COL14A1: variants seen among roughly 807,000 people sequenced by gnomAD.
COL14A1 encodes collagen alpha-1(XIV) chain.
A neutral mutation model predicts 230.3 loss-of-function variants in COL14A1; 136 were observed. That is an observed-to-expected ratio of 0.59 (90% CI 0.51 to 0.68). COL14A1 has a LOEUF of 0.68. Ranked by LOEUF, COL14A1 falls within the 30% of genes least tolerant of loss-of-function variation. COL14A1 has a pLI of 0.00. For synonymous variants in COL14A1, 792 were observed against 784.1 expected (o/e 1.01, Z -0.17); for missense variants, 1,976 against 2,215.8 (o/e 0.89, Z 2.17).
chr8:120,221,962 G>T (rs140577173), intron 14 of COL14A1, among the ~76,000 whole-genome samples: 1 of 150,914 alleles, frequency 6.6e-6, no homozygotes, highest in East Asian at 2.0e-4. Context: ...CTAGAGGTTA[G>T]GAAAATATGT....
At chr8:120,142,032 CAG>C (rs1814932349) in intron 1 of COL14A1, among the ~76,000 whole-genome samples, 1 of 152,108 alleles carries the variant, frequency 6.6e-6, no homozygotes, top group Non-Finnish European at 1.5e-5. Flanking sequence ...CACACTTGGC[CAG>C]GGATGTCTAA....
intron 1 of COL14A1, among the ~76,000 whole-genome samples, chr8:120,129,012 G>C (rs745876535): frequency 2.6e-5 from 4 of 152,148 alleles, no homozygotes; most frequent in Non-Finnish European, 5.9e-5. Flanking sequence ...TTGCAAAGAG[G>C]AGAACATTTA....
At position 120,196,867 on chromosome 8, in the gene COL14A1, A is replaced by T. The variant is rs912674451; in HGVS notation, c.513A>T (p.Arg171Ser). 4.3e-6 allele frequency: 7 copies of T among 1,614,138 alleles called. No homozygotes were observed. Among genetic ancestry groups the T allele is most frequent in the Non-Finnish European group, 5.9e-6 (7 of 1,180,002 alleles). ...ILVDGSWSIG[R>S]FNFRLVRHFL... ...TCGATGGTTCATGGAGTATTGGAAG[A>T]TTCAACTTCAGACTGGTTCGGCATT... is the stretch of plus-strand genomic sequence containing the variant. The change falls in exon 6 of 48, where the codon AGA becomes AGT. Residue 171 changes from arginine (R) to serine (S), a missense_variant. This residue lies in a region of COL14A1 where 1,791 missense variants were observed against 2,019.5 expected (regional missense o/e 0.89). Coordinates refer to ENST00000297848, the MANE Select transcript of COL14A1 (RefSeq NM_021110.4).
rs964912321 is a variant in COL14A1 at position 120,372,935 on chromosome 8, T to C, written c.*1704T>C. 6.6e-6 allele frequency among the ~76,000 whole-genome samples: 1 copy of C among 152,146 alleles called. No homozygotes were observed. Among genetic ancestry groups the C allele is most frequent in the Non-Finnish European group, 1.5e-5 (1 of 68,024 alleles). On this transcript the variant is annotated 3_prime_UTR_variant, in exon 48 of 48. Transcript: ENST00000297848. ...GCCATTTCCTTTCAGTTATGGTATA[T>C]GATTCTGCCTGAGAAAGCAGGATTT...
chr8:120,148,077 A>T (rs1362949106), intron 2 of COL14A1, 147 bp downstream of exon 2: 6 of 549,480 alleles, frequency 1.1e-5, no homozygotes, highest in Non-Finnish European at 1.9e-5. Flanking sequence ...CACATCTTTG[A>T]TGAGGATTAC....
At position 120,257,947 on chromosome 8, in the gene COL14A1, G is replaced by A. The variant is rs546947033; in HGVS notation, c.2869+2591G>A. On this transcript the variant is annotated intron_variant, in intron 23 of 47. Coordinates refer to ENST00000297848, the MANE Select transcript of COL14A1 (RefSeq NM_021110.4). Reference sequence around the variant, plus strand: ...TGAAGTCTCTACTGTAACCACAACCGCTGGTCAACTTTCTTCTCTGGGCTT... The same window carrying A: ...TGAAGTCTCTACTGTAACCACAACCACTGGTCAACTTTCTTCTCTGGGCTT... Among the ~76,000 whole-genome samples the A allele has an allele frequency of 5.3e-5, 8 of 152,146 alleles. No individual in the cohort carries two copies. In the South Asian group the frequency reaches 6.2e-4, roughly 12 times the overall value.
intron 9 of COL14A1, among the ~76,000 whole-genome samples, chr8:120,204,291 A>G (rs908687944): frequency 5.9e-5 from 9 of 152,184 alleles, no homozygotes; most frequent in Admixed American, 5.9e-4. Flanking sequence ...TTCCACCACA[A>G]GGATCACTCC....
At chr8:120,243,796 C>T in intron 19 of COL14A1, 83 bp from the exon 20 acceptor site, 1 of 1,470,420 alleles carries the variant, frequency 6.8e-7, no homozygotes, top group Non-Finnish European at 9.3e-7. Context: ...TTGATTATTT[C>T]AAAATGCATA....
intron 5 of COL14A1, among the ~76,000 whole-genome samples, chr8:120,194,577 C>T (rs754555708): frequency 3.4e-4 from 51 of 152,100 alleles, no homozygotes; most frequent in Non-Finnish European, 5.6e-4. Context: ...ATTTGTATTT[C>T]CAAGTCATTT....
At chr8:120,250,596 T>C (rs1455121565) in intron 21 of COL14A1, 21 bp from the exon 22 acceptor site, 2 of 1,613,614 alleles carry the variant, frequency 1.2e-6, no homozygotes, top group Non-Finnish European at 1.7e-6. Context: ...GTAACTAAAA[T>C]ATATCCTCTT....
chr8:120,241,067 T>C (rs959626850), intron 19 of COL14A1, among the ~76,000 whole-genome samples: 2 of 152,204 alleles, frequency 1.3e-5, no homozygotes, highest in Non-Finnish European at 2.9e-5. Flanking sequence ...GAATTCTGGG[T>C]TGCAAGAATA....
In COL14A1 at chr8:120,280,727, C is replaced by G; in HGVS notation, c.3663C>G (p.His1221Gln). ...GTTTTCCAGCCTGTCCAGTGGTACACAAGGATGGCATTGATCTTGCAGGTA... is the reference window on the plus strand; with the variant it reads ...GTTTTCCAGCCTGTCCAGTGGTACAGAAGGATGGCATTGATCTTGCAGGTA... ...ETASATCPVV[H>Q]KDGIDLAGFK... is the part of the protein sequence containing the mutation. The change falls in exon 30 of 48, where the codon CAC becomes CAG. Residue 1221 changes from histidine (H) to glutamine (Q), a missense_variant. Transcript: ENST00000297848. 6.2e-7 allele frequency: 1 copy of G among 1,613,424 alleles called. No individual in the cohort carries two copies. The highest frequency in any genetic ancestry group is 1.3e-5 in the African/African-American group (1 of 75,006).
chr8:120,322,267 G>A (rs1821478472), intron 40 of COL14A1, among the ~76,000 whole-genome samples: 1 of 152,098 alleles, frequency 6.6e-6, no homozygotes, highest in Non-Finnish European at 1.5e-5. Context: ...AATAGCTAAT[G>A]CATGCTGGGA....
At chr8:120,291,080 C>T (rs1008264804) in intron 34 of COL14A1, among the ~76,000 whole-genome samples, 3 of 152,130 alleles carry the variant, frequency 2.0e-5, no homozygotes, top group South Asian at 4.1e-4. Context: ...AAACTTGTCT[C>T]CTCCTAATGT....
At chr8:120,274,956 A>G (rs1243641362) in intron 26 of COL14A1, among the ~76,000 whole-genome samples, 1 of 148,146 alleles carries the variant, frequency 6.8e-6, no homozygotes, top group Admixed American at 6.8e-5. Flanking sequence ...TCCTATACAA[A>G]TATCAACATC....
intron 40 of COL14A1, among the ~76,000 whole-genome samples, chr8:120,331,830 C>T (rs1586871739): frequency 6.6e-6 from 1 of 152,272 alleles, no homozygotes; most frequent in East Asian, 1.9e-4. Flanking sequence ...CCTTAATGAC[C>T]AATAATGGAT....
chr8:120,322,910 G>A (rs1222615715), intron 40 of COL14A1, among the ~76,000 whole-genome samples: 1 of 152,128 alleles, frequency 6.6e-6, no homozygotes, highest in East Asian at 1.9e-4. Context: ...TCCTTTGGGC[G>A]TATGCCCAGT....
chr8:120,201,988 A>G (rs570293780), intron 8 of COL14A1, among the ~76,000 whole-genome samples: 19 of 152,330 alleles, frequency 1.2e-4, no homozygotes, highest in African/African-American at 4.3e-4. Context: ...ATATCACAAA[A>G]AAAGCATTAT....
chr8:120,337,743 T>C (rs764730511), intron 42 of COL14A1, among the ~76,000 whole-genome samples: 1 of 152,216 alleles, frequency 6.6e-6, no homozygotes, highest in Non-Finnish European at 1.5e-5. Context: ...AGGGAATATG[T>C]GTTTTCCCTC....
Sources: gnomAD v4.1 joint callset for allele counts (sites outside exome capture counted in the v4.1 genomes callset) on GRCh38, gnomAD v4.1.1 for gene constraint, gnomAD v4.1.1 regional missense constraint, MANE v1.5 for transcripts, NCBI Gene and HGNC (gene_info 2026-07-23, HGNC 2026-07-21) for gene names.